The following IGF1 variants were observed in gnomAD, a reference collection of about 807,000 sequenced individuals.
IGF1 encodes insulin-like growth factor 1.
In IGF1, 4 loss-of-function variants were observed where a neutral mutation model predicts 13.8. That is an observed-to-expected ratio of 0.29 (90% CI 0.14 to 0.66). The LOEUF is 0.66. IGF1 is among the 30% of genes least tolerant of loss of function. IGF1 has a pLI of 0.78. For synonymous variants in IGF1, 76 were observed against 72.6 expected (o/e 1.05, Z -0.23); for missense variants, 124 against 188.5 (o/e 0.66, Z 2.00).
At chr12:102,444,350 G>A (rs11111274) in intron 2 of IGF1, among the ~76,000 whole-genome samples, 105,290 of 151,566 alleles carry the variant, frequency 0.69, 36,984 homozygotes, top group Admixed American at 0.76. Context: ...GATTACATCA[G>A]TTTGGGATTA....
At chr12:102,404,904 C>T (rs1203788237) in intron 3 of IGF1, among the ~76,000 whole-genome samples, 1 of 151,440 alleles carries the variant, frequency 6.6e-6, no homozygotes, top group Non-Finnish European at 1.5e-5. Flanking sequence ...ATTACAGACG[C>T]CTGCCACCAT....
chr12:102,401,988 C>G lies in IGF1; in HGVS notation c.*519G>C, dbSNP rs745448692. The G allele has an allele frequency of 3.9e-5, 6 of 152,508 alleles. No individual in the cohort carries two copies. Among genetic ancestry groups the G allele is most frequent in the African/African-American group, 1.4e-4 (6 of 41,400 alleles). The allele number at this position is 152,508 out of a possible 1,614,324, so 9.4% of individuals were successfully genotyped here. A position where few individuals can be genotyped will look rare whatever the true frequency, so the allele number is the denominator to read the frequency against. On this transcript the variant is annotated 3_prime_UTR_variant, in exon 4 of 4. Coordinates refer to ENST00000337514, the MANE Select transcript of IGF1 (RefSeq NM_000618.5). ...CTGCTGCTTTTGAGGAGGCCAAATT[C>G]GGCAAATATAAAGGTTATGAAGGGA...
intron 2 of IGF1, among the ~76,000 whole-genome samples, chr12:102,434,520 G>A (rs1877044263): frequency 6.9e-6 from 1 of 145,370 alleles, no homozygotes; most frequent in Non-Finnish European, 1.5e-5. Flanking sequence ...TGGTGTATAT[G>A]TGCCACATTT....
At chr12:102,425,906 T>C (rs948745960) in intron 2 of IGF1, among the ~76,000 whole-genome samples, 3 of 152,200 alleles carry the variant, frequency 2.0e-5, no homozygotes, top group Admixed American at 6.5e-5. Flanking sequence ...AATTATACTT[T>C]GGCAAGAGAA....
intron 1 of IGF1, chr12:102,478,513 C>T (rs1264258426): frequency 2.5e-6 from 4 of 1,610,402 alleles, no homozygotes; most frequent in African/African-American, 2.7e-5. Context: ...TTTGTTTGTT[C>T]CAGGTCTTTT....
At chr12:102,440,291 C>G (rs891652687) in intron 2 of IGF1, among the ~76,000 whole-genome samples, 14 of 152,312 alleles carry the variant, frequency 9.2e-5, no homozygotes, top group Admixed American at 7.2e-4. Context: ...CAGCTTTGGT[C>G]CTGATGGGCC....
intron 2 of IGF1, among the ~76,000 whole-genome samples, chr12:102,423,817 C>T (rs761632576): frequency 2.0e-5 from 3 of 152,180 alleles, no homozygotes; most frequent in Non-Finnish European, 4.4e-5. Context: ...ACTCGCTCCC[C>T]TCCATCTCTG....
chr12:102,410,924 G>A (rs1463733855), intron 3 of IGF1, among the ~76,000 whole-genome samples: 1 of 152,184 alleles, frequency 6.6e-6, no homozygotes, highest in Non-Finnish European at 1.5e-5. Flanking sequence ...GGGGCCTTCA[G>A]CATATAAAAG....
chr12:102,428,439 G>C (rs1592765177), intron 2 of IGF1, among the ~76,000 whole-genome samples: 1 of 151,902 alleles, frequency 6.6e-6, no homozygotes, highest in East Asian at 1.9e-4. Flanking sequence ...AGTTGGGCTT[G>C]ATTAGGGGAA....
chr12:102,457,821 A>T (rs1362821208), intron 2 of IGF1, among the ~76,000 whole-genome samples: 1 of 152,190 alleles, frequency 6.6e-6, no homozygotes, highest in African/African-American at 2.4e-5. Flanking sequence ...TTGTTTTCTT[A>T]ACCAGATTGA....
intron 2 of IGF1, 43 bp downstream of exon 2, chr12:102,475,600 C>T: frequency 6.2e-7 from 1 of 1,609,586 alleles, no homozygotes; most frequent in Non-Finnish European, 8.5e-7. Flanking sequence ...CAGAGCTGTA[C>T]ACTTTAGACT....
chr12:102,469,051 G>C (rs1329505154), intron 2 of IGF1, among the ~76,000 whole-genome samples: 1 of 152,156 alleles, frequency 6.6e-6, no homozygotes, highest in African/African-American at 2.4e-5. Flanking sequence ...GATCCAAAAT[G>C]TCTCCCCTAC....
intron 3 of IGF1, among the ~76,000 whole-genome samples, chr12:102,404,598 TAGAAAGAA>T (rs1873975749): frequency 6.6e-6 from 1 of 152,126 alleles, no homozygotes; most frequent in Non-Finnish European, 1.5e-5. Context: ...AAAAAGATGG[TAGAAAGAA>T]ACTGGGCATT....
At chr12:102,475,552 A>T in intron 2 of IGF1, 91 bp downstream of exon 2, 2 of 1,424,894 alleles carry the variant, frequency 1.4e-6, no homozygotes, top group Non-Finnish European at 2.0e-6. Context: ...ACGGGCACTC[A>T]TTCAGTTATT....
At chr12:102,436,858 C>T (rs1877280525) in intron 2 of IGF1, among the ~76,000 whole-genome samples, 1 of 152,174 alleles carries the variant, frequency 6.6e-6, no homozygotes, top group Non-Finnish European at 1.5e-5. Flanking sequence ...TGTTTCTTTT[C>T]TGAGCCCTTC....
chr12:102,407,316 G>A (rs978410103), intron 3 of IGF1, among the ~76,000 whole-genome samples: 8 of 152,114 alleles, frequency 5.3e-5, no homozygotes, highest in African/African-American at 1.9e-4. Flanking sequence ...TGTGCTTGAG[G>A]TCACAGAGGA....
At chr12:102,421,190 G>A (rs1875683162) in intron 2 of IGF1, among the ~76,000 whole-genome samples, 1 of 152,188 alleles carries the variant, frequency 6.6e-6, no homozygotes, top group African/African-American at 2.4e-5. Context: ...GGCAGCTGGA[G>A]GTAGTAACTC....
intron 2 of IGF1, among the ~76,000 whole-genome samples, chr12:102,440,486 G>A (rs1288010067): frequency 1.3e-5 from 2 of 152,202 alleles, no homozygotes; most frequent in African/African-American, 4.8e-5. Context: ...AAGACCAAAT[G>A]ATTCTCTCCA....
chr12:102,475,569 C>T (rs1566009206), intron 2 of IGF1, 74 bp downstream of exon 2: 2 of 1,546,478 alleles, frequency 1.3e-6, no homozygotes, highest in Middle Eastern at 1.7e-4. Context: ...TATTCACACA[C>T]TCCCTGCGGT....
Sources: gnomAD v4.1 joint callset for allele counts (sites outside exome capture counted in the v4.1 genomes callset) on GRCh38, gnomAD v4.1.1 for gene constraint, MANE v1.5 for transcripts, NCBI Gene and HGNC (gene_info 2026-07-23, HGNC 2026-07-21) for gene names.